PTPN21: variants seen among roughly 807,000 people sequenced by gnomAD.
PTPN21 encodes protein tyrosine phosphatase non-receptor type 21, also known as tyrosine-protein phosphatase non-receptor type 21.
PTPN21 carries 77 observed loss-of-function variants against 131.8 expected under a neutral mutation model. The observed-to-expected ratio is 0.58, with a 90% confidence interval of 0.49 to 0.71. PTPN21 has a LOEUF of 0.71. PTPN21 is among the 30% of genes least tolerant of loss of function. The pLI, the probability that PTPN21 is intolerant of heterozygous loss-of-function variation, is 0.00. For missense variants in PTPN21, 1,552 were observed against 1,527.1 expected, an observed-to-expected ratio of 1.02 and a Z score of -0.27; for synonymous variants, 715 against 621.3, an observed-to-expected ratio of 1.15 and a Z score of -2.24.
At position 88,479,907 on chromosome 14, in the gene PTPN21, T is replaced by G. The variant is rs2077620978; in HGVS notation, c.1524A>C (p.Ala508=). Residue 508 remains alanine, a synonymous_variant, in exon 13 of 19, where the codon GCA becomes GCC. Coordinates refer to ENST00000556564, the MANE Select transcript of PTPN21 (RefSeq NM_007039.4). The part of the protein sequence containing the change: ...EHAQLPSPAA[A]HCPFSLSYSF... Reference sequence around the variant, plus strand: ...TGTAGCTCAGGCTGAACGGGCAGTGTGCGGCCGCTGGCGAGGGGAGCTGTG... The same window carrying G: ...TGTAGCTCAGGCTGAACGGGCAGTGGGCGGCCGCTGGCGAGGGGAGCTGTG... The G allele has an allele frequency of 1.3e-6, 2 of 1,599,022 alleles. No individual in the cohort carries two copies. Among genetic ancestry groups the G allele is most frequent in the African/African-American group, 1.3e-5 (1 of 74,850 alleles).
intron 2 of PTPN21, among the ~76,000 whole-genome samples, chr14:88,548,833 G>A (rs1234190375): frequency 6.6e-6 from 1 of 152,068 alleles, no homozygotes; most frequent in East Asian, 1.9e-4. Context: ...ACATTATATG[G>A]ATACATGAGT....
intron 2 of PTPN21, among the ~76,000 whole-genome samples, chr14:88,533,066 C>T (rs2078576138): frequency 6.6e-6 from 1 of 151,866 alleles, no homozygotes; most frequent in Non-Finnish European, 1.5e-5. Context: ...AAAGAAATAA[C>T]TTATTTCCAA....
At position 88,470,129 on chromosome 14, in the gene PTPN21, CTAAAAAAGTTTTTT is replaced by C. The variant is rs554468385; in HGVS notation, c.2872-93_2872-80del. 1,198 of 1,441,374 alleles carry C rather than the reference CTAAAAAAGTTTTTT, an allele frequency of 8.3e-4. 18 individuals carry two copies. In the East Asian group the frequency reaches 0.024, roughly 29 times the overall value. The allele number at this position is 1,441,374 out of a possible 1,614,324, so 89.3% of individuals were successfully genotyped here. A position where few individuals can be genotyped will look rare whatever the true frequency, so the allele number is the denominator to read the frequency against. ...ATGTATGCATGCATTCATGGTAGTACTAAAAAAGTTTTTTTAAAAAAGTAAAAAGTAAAAAAGTA... is the reference window on the plus strand; with the variant it reads ...ATGTATGCATGCATTCATGGTAGTACTAAAAAAGTAAAAAGTAAAAAAGTA... On this transcript the variant is annotated intron_variant, in intron 15 of 18. Coordinates refer to ENST00000556564, the MANE Select transcript of PTPN21 (RefSeq NM_007039.4).
At chr14:88,470,707 G>GC (rs1487280099) in intron 15 of PTPN21, among the ~76,000 whole-genome samples, 13 of 152,354 alleles carry the variant, frequency 8.5e-5, no homozygotes, top group African/African-American at 3.1e-4. Flanking sequence ...ACTCAGGGCT[G>GC]CCAGCCCCCT....
intron 2 of PTPN21, among the ~76,000 whole-genome samples, chr14:88,542,265 A>G (rs896661521): frequency 6.6e-6 from 1 of 152,236 alleles, no homozygotes; most frequent in African/African-American, 2.4e-5. Flanking sequence ...AAATGGAGAC[A>G]GCAGAAAGTC....
chr14:88,468,139 A>G lies in PTPN21; in HGVS notation c.3523T>C (p.Ter1175GlnextTer23). The G allele has an allele frequency of 1.2e-6, 2 of 1,614,080 alleles. No homozygotes were observed. The highest frequency in any genetic ancestry group is 1.7e-6 in the Non-Finnish European group (2 of 1,179,924). ...IQFLKSSRLI[*>Q] ...GCCCCGTAAGAAATTGTGGGAGCTTAGATGAGCCTGGAGCTTTTCAGGAAC... is the reference window on the plus strand; with the variant it reads ...GCCCCGTAAGAAATTGTGGGAGCTTGGATGAGCCTGGAGCTTTTCAGGAAC... Residue 1175 changes from the stop codon to glutamine (Q), a stop_lost, in exon 19 of 19, where the codon TAA becomes CAA. Coordinates refer to ENST00000556564, the MANE Select transcript of PTPN21 (RefSeq NM_007039.4).
At chr14:88,504,402 C>T in intron 6 of PTPN21, 23 bp downstream of exon 6, 2 of 1,509,796 alleles carry the variant, frequency 1.3e-6, no homozygotes, top group Non-Finnish European at 9.2e-7. Flanking sequence ...ATGCTATTTC[C>T]ATGTCTTATT....
In PTPN21 at chr14:88,472,470, A is replaced by C; in HGVS notation, c.2650-5T>G. ...TCGTTGTTCCAGAATTTTACACTAT[A>C]AAACAGAATATGTGTAATAACATGA... On this transcript the variant is annotated splice_region_variant and splice_polypyrimidine_tract_variant and intron_variant, in intron 14 of 18. Coordinates refer to ENST00000556564, the MANE Select transcript of PTPN21 (RefSeq NM_007039.4). The C allele has an allele frequency of 6.4e-7, 1 of 1,557,844 alleles. No homozygotes were observed. Among genetic ancestry groups the C allele is most frequent in the Non-Finnish European group, 8.9e-7 (1 of 1,129,538 alleles).
chr14:88,538,722 C>T (rs185641728), intron 2 of PTPN21, among the ~76,000 whole-genome samples: 1 of 152,102 alleles, frequency 6.6e-6, no homozygotes, highest in Non-Finnish European at 1.5e-5. Context: ...GGTTATAAAC[C>T]AGGAAGAAAG....
intron 2 of PTPN21, among the ~76,000 whole-genome samples, chr14:88,539,569 T>A (rs1016321796): frequency 6.6e-6 from 1 of 152,134 alleles, no homozygotes; most frequent in African/African-American, 2.4e-5. Context: ...TATTTCCTTT[T>A]AAAGTAAATA....
chr14:88,531,499 G>A (rs887558605), intron 2 of PTPN21, among the ~76,000 whole-genome samples: 1 of 152,074 alleles, frequency 6.6e-6, no homozygotes, highest in Non-Finnish European at 1.5e-5. Context: ...AGGGGTTGTG[G>A]TAAGCCGAGA....
chr14:88,474,371 G>A (rs187234202), intron 13 of PTPN21, among the ~76,000 whole-genome samples: 1 of 151,970 alleles, frequency 6.6e-6, no homozygotes, highest in Non-Finnish European at 1.5e-5. Context: ...TGTGTGTTTT[G>A]TAGAGATGGG....
chr14:88,472,301 C>T lies in PTPN21; in HGVS notation c.2814G>A (p.Val938=). The change falls in exon 15 of 19, where the codon GTG becomes GTA. Residue 938 remains valine (V), a synonymous_variant. Coordinates refer to ENST00000556564, the MANE Select transcript of PTPN21 (RefSeq NM_007039.4). Reference sequence around the variant, plus strand: ...TGTTTTCTTTAGTTGGGACCAACTCCACTCTCACATCATCATAAGGAAGAA... The same window carrying T: ...TGTTTTCTTTAGTTGGGACCAACTCTACTCTCACATCATCATAAGGAAGAA... ...QDVLPYDDVR[V]ELVPTKENNT... is the part of the protein sequence containing the mutation. 1 of 1,613,928 alleles carries T rather than the reference C, an allele frequency of 6.2e-7. No individual in the cohort carries two copies. Among genetic ancestry groups the T allele is most frequent in the Non-Finnish European group, 8.5e-7 (1 of 1,179,846 alleles).
At chr14:88,474,534 T>G (rs915485024) in intron 13 of PTPN21, among the ~76,000 whole-genome samples, 3 of 152,114 alleles carry the variant, frequency 2.0e-5, no homozygotes, top group African/African-American at 4.8e-5. Context: ...TTCTGAAAAA[T>G]TAAATGGTTT....
chr14:88,489,495 T>C (rs1475666806), intron 10 of PTPN21, among the ~76,000 whole-genome samples: 1 of 151,244 alleles, frequency 6.6e-6, no homozygotes, highest in African/African-American at 2.4e-5. Context: ...AAAAAAAAAT[T>C]AGCCAGGCAT....
chr14:88,496,364 T>C (rs2077916149), intron 10 of PTPN21, 49 bp downstream of exon 10: 1 of 1,476,218 alleles, frequency 6.8e-7, no homozygotes, highest in Non-Finnish European at 9.5e-7. Context: ...AAGATTACAA[T>C]TTCTAAATTC....
chr14:88,470,243 C>T (rs2077439846), intron 15 of PTPN21, 193 bp from the exon 16 acceptor site: 1 of 601,482 alleles, frequency 1.7e-6, no homozygotes. Context: ...GCATTACTGA[C>T]ATTTTTATAA....
intron 3 of PTPN21, among the ~76,000 whole-genome samples, chr14:88,510,910 G>A (rs886265577): frequency 1.4e-5 from 2 of 143,468 alleles, no homozygotes; most frequent in Non-Finnish European, 3.0e-5. Flanking sequence ...TACACAGACA[G>A]ATAGATTTTT....
At chr14:88,521,601 C>T (rs973880576) in intron 2 of PTPN21, among the ~76,000 whole-genome samples, 3 of 129,296 alleles carry the variant, frequency 2.3e-5, no homozygotes, top group Non-Finnish European at 5.0e-5. Context: ...TTAGTAGAAA[C>T]GGGGTTTCAC....
Sources: gnomAD v4.1 joint callset for allele counts (sites outside exome capture counted in the v4.1 genomes callset) on GRCh38, gnomAD v4.1.1 for gene constraint, MANE v1.5 for transcripts, NCBI Gene and HGNC (gene_info 2026-07-23, HGNC 2026-07-21) for gene names.